Variants in LATS1 observed in about 807,000 individuals in gnomAD.
LATS1 encodes large tumor suppressor kinase 1.
LATS1 carries 25 observed loss-of-function variants against 106.6 expected under a neutral mutation model. The observed-to-expected ratio is 0.23, with a 90% CI of 0.17 to 0.33. The LOEUF (loss-of-function observed/expected upper bound fraction) is 0.33, where lower values mean the gene tolerates loss of function less well. Ranked by LOEUF, LATS1 falls within the 10% of genes least tolerant of loss-of-function variation. The pLI, the probability that LATS1 is intolerant of heterozygous loss-of-function variation, is 1.00. For synonymous variants in LATS1, 465 were observed against 455.6 expected, an observed-to-expected ratio of 1.02 and a Z score of -0.26; for missense variants, 1,040 against 1,382.6, an observed-to-expected ratio of 0.75 and a Z score of 3.93.
Position 149,659,809 on chromosome 6 carries a change from GCA to G in LATS1, c.*1918_*1919del, listed in dbSNP as rs1192831988. The G allele has an allele frequency of 4.4e-6, 1 of 225,654 alleles. No individual in the cohort carries two copies. The highest frequency in any genetic ancestry group is 8.8e-6 in the Non-Finnish European group (1 of 113,458). The allele number at this position is 225,654 out of a possible 1,614,324, so 14.0% of individuals were successfully genotyped here. A position where few individuals can be genotyped will look rare whatever the true frequency, so the allele number is the denominator to read the frequency against. ...AGGTGAAGACTGCGATTTCATGATA[GCA>G]CATTGTTTTACAATTCTGATTAGAA... is the stretch of plus-strand genomic sequence containing the variant. On this transcript the variant is annotated 3_prime_UTR_variant, in exon 8 of 8. Coordinates refer to ENST00000543571, the MANE Select transcript of LATS1 (RefSeq NM_004690.4).
Position 149,680,331 on chromosome 6 carries a change from T to C in LATS1, c.2137A>G (p.Ile713Val), listed in dbSNP as rs1781963947. 6.2e-7 allele frequency: 1 copy of C among 1,613,954 alleles called. No individual in the cohort carries two copies. Among genetic ancestry groups the C allele is most frequent in the Non-Finnish European group, 8.5e-7 (1 of 1,179,982 alleles). Residue 713 changes from isoleucine (I) to valine (V), a missense_variant, in exon 5 of 8, where the codon ATA becomes GTA. Ile to Val is a conservative substitution (Grantham distance 29). Transcript: ENST00000543571. ...AGACAGACTTCACCAAATGCTCCTA[T>C]TCCTAGTGTCTTTATCTTCACAAAC... ...SMFVKIKTLG[I>V]GAFGEVCLAR...
At position 149,683,354 on chromosome 6, in the gene LATS1, G is replaced by C. The variant is rs1203899175; in HGVS notation, c.1735C>G (p.Pro579Ala). 2 of 1,613,964 alleles carry C rather than the reference G, an allele frequency of 1.2e-6. No individual in the cohort carries two copies. Among genetic ancestry groups the C allele is most frequent in the African/African-American group, 1.3e-5 (1 of 74,880 alleles). ...SVPPYESISK[P>A]SKEDQPSLPK... ...AAGCTTGGCTGATCCTCTTTGCTAG[G>C]CTTACTGATTGACTCGTATGGAGGA... The change falls in exon 4 of 8, where the codon CCT (proline) becomes GCT (alanine). Residue 579 changes from proline to alanine, a missense_variant. By Grantham distance (27) the Pro-to-Ala change is conservative. Around this residue, in one of 7 missense-constraint regions of LATS1, gnomAD observed 624 missense variants for 714.8 expected, o/e 0.87. Transcript: ENST00000543571.
In LATS1 at chr6:149,684,039, A is replaced by G. The variant is rs747527759; in HGVS notation, c.1050T>C (p.Gly350=). 6.2e-6 allele frequency: 10 copies of G among 1,614,154 alleles called. No individual in the cohort carries two copies. The highest frequency in any genetic ancestry group is 6.8e-6 in the Non-Finnish European group (8 of 1,180,018). The change falls in exon 4 of 8, where the codon GGT becomes GGC. Residue 350 remains glycine (G), a synonymous_variant. Transcript: ENST00000543571. ...GTATCATGAAATCAGTTTGTCCAGT[A>G]CCATTCTGCATTCCAGGTCTCCCTG... ...FPSGRPGMQN[G]TGQTDFMIHQ...
At chr6:149,702,620 A>G (rs1014830887) in intron 1 of LATS1, among the ~76,000 whole-genome samples, 3 of 152,204 alleles carry the variant, frequency 2.0e-5, no homozygotes, top group South Asian at 2.1e-4. Context: ...TTTACAAATC[A>G]GACTTCAAGA....
At chr6:149,709,667 T>TG (rs1783981351) in intron 1 of LATS1, among the ~76,000 whole-genome samples, 2 of 130,318 alleles carry the variant, frequency 1.5e-5, no homozygotes, top group Admixed American at 1.7e-4. Context: ...CAACCCCTTA[T>TG]CTTTTTTTTT....
At chr6:149,714,625 CTAAG>C (rs927084113) in intron 1 of LATS1, among the ~76,000 whole-genome samples, 4 of 151,840 alleles carry the variant, frequency 2.6e-5, no homozygotes, top group African/African-American at 4.8e-5. Flanking sequence ...GAAAAAAAAA[CTAAG>C]TAAGCAAAAA....
rs1780892912 is a variant in LATS1, at chr6:149,661,727, T to G, written c.*2A>C. On this transcript the variant is annotated 3_prime_UTR_variant, in exon 8 of 8. Coordinates refer to ENST00000543571, the MANE Select transcript of LATS1 (RefSeq NM_004690.4). ...TCCTCATTACATTTATTTACTAGTG[T>G]GTTAAACATATACTAGATCGCGATT... is the stretch of plus-strand genomic sequence containing the variant. 1 of 1,537,894 alleles carries G rather than the reference T, an allele frequency of 6.5e-7. No individual in the cohort carries two copies.
Position 149,684,293 on chromosome 6 carries a change from G to C in LATS1, c.796C>G (p.Pro266Ala), listed in dbSNP as rs142352110. ...GTTTGAGAGTTTGGTTCCCATGAAGGGGGAGGTGGAGTTGTACCTCTTGGA... is the reference window on the plus strand; with the variant it reads ...GTTTGAGAGTTTGGTTCCCATGAAGCGGGAGGTGGAGTTGTACCTCTTGGA... ...PPPRGTTPPP[P>A]SWEPNSQTKR... Residue 266 changes from proline (P) to alanine (A), a missense_variant, in exon 4 of 8, where the codon CCT becomes GCT. Pro to Ala is a conservative substitution (Grantham distance 27). Coordinates refer to ENST00000543571, the MANE Select transcript of LATS1 (RefSeq NM_004690.4). 2.0e-3 allele frequency: 3,160 copies of C among 1,614,086 alleles called. 4 individuals are homozygous for C. Among genetic ancestry groups the C allele is most frequent in the Non-Finnish European group, 2.6e-3 (3,015 of 1,180,002 alleles).
At chr6:149,666,758 C>A (rs1056731374) in intron 7 of LATS1, among the ~76,000 whole-genome samples, 2 of 151,604 alleles carry the variant, frequency 1.3e-5, no homozygotes, top group African/African-American at 4.8e-5. Flanking sequence ...CTGGCTAACA[C>A]GGTGAAACCC....
intron 2 of LATS1, among the ~76,000 whole-genome samples, chr6:149,699,475 A>T (rs994617552): frequency 2.1e-5 from 3 of 145,444 alleles, no homozygotes; most frequent in South Asian, 4.3e-4. Flanking sequence ...ACTTTTTAAT[A>T]AAAAAAAAAA....
chr6:149,698,317 C>T (rs1457813807), intron 2 of LATS1, among the ~76,000 whole-genome samples: 1 of 150,732 alleles, frequency 6.6e-6, no homozygotes, highest in African/African-American at 2.4e-5. Flanking sequence ...AACCACAACT[C>T]ATTGCGACCC....
At chr6:149,706,992 T>C (rs1371682658) in intron 1 of LATS1, among the ~76,000 whole-genome samples, 1 of 149,756 alleles carries the variant, frequency 6.7e-6, no homozygotes, top group Non-Finnish European at 1.5e-5. Flanking sequence ...GGGATCATAA[T>C]ACACAAAACT....
In LATS1 at chr6:149,680,268, T is replaced by G; in HGVS notation, c.2200A>C (p.Lys734Gln). The G allele has an allele frequency of 6.2e-7, 1 of 1,613,966 alleles. No homozygotes were observed. Among genetic ancestry groups the G allele is most frequent in the Non-Finnish European group, 8.5e-7 (1 of 1,180,008 alleles). Reference sequence around the variant, plus strand: ...AGAACATCTTTCTTTCGAAGAGTTTTTGTTGCATACAAAGCCTTAGTATCT... The same window carrying G: ...AGAACATCTTTCTTTCGAAGAGTTTGTGTTGCATACAAAGCCTTAGTATCT... The part of the protein sequence containing the change: ...KVDTKALYAT[K>Q]TLRKKDVLLR... Residue 734 changes from lysine to glutamine, a missense_variant, in exon 5 of 8, where the codon AAA becomes CAA. Lys to Gln is a moderately conservative substitution (Grantham distance 53, BLOSUM62 1). This residue lies in a region of LATS1 where 167 missense variants were observed against 332.1 expected (regional missense o/e 0.50). Coordinates refer to ENST00000543571, the MANE Select transcript of LATS1 (RefSeq NM_004690.4).
chr6:149,682,411 TTTTC>T (rs1582872635), intron 4 of LATS1, among the ~76,000 whole-genome samples: 2 of 151,398 alleles, frequency 1.3e-5, no homozygotes, highest in East Asian at 3.9e-4. Flanking sequence ...CGTATTTCTT[TTTTC>T]TTTTTTTTTT....
intron 2 of LATS1, among the ~76,000 whole-genome samples, chr6:149,695,541 C>T (rs931748392): frequency 1.2e-4 from 18 of 152,184 alleles, no homozygotes; most frequent in African/African-American, 3.9e-4. Flanking sequence ...GCTGGGTGTG[C>T]TGGCGCACGC....
intron 2 of LATS1, 71 bp from the exon 3 acceptor site, chr6:149,695,292 C>T (rs1782994796): frequency 1.1e-6 from 1 of 926,878 alleles, no homozygotes; most frequent in African/African-American, 1.7e-5. Flanking sequence ...GGAAAGAACA[C>T]TATGAGTTCC....
At chr6:149,679,616 C>CA (rs1297690844) in intron 5 of LATS1, among the ~76,000 whole-genome samples, 1 of 150,928 alleles carries the variant, frequency 6.6e-6, no homozygotes, top group Non-Finnish European at 1.5e-5. Context: ...AGGTGTGACT[C>CA]AAAAATGTTA....
chr6:149,680,663 G>A (rs1781986340), intron 4 of LATS1, among the ~76,000 whole-genome samples: 1 of 148,868 alleles, frequency 6.7e-6, no homozygotes, highest in African/African-American at 2.5e-5. Context: ...TTCAAAGTGA[G>A]TACCTATGCA....
chr6:149,673,642 A>C (rs890331638), intron 7 of LATS1, among the ~76,000 whole-genome samples: 6 of 151,910 alleles, frequency 3.9e-5, no homozygotes, highest in Non-Finnish European at 5.9e-5. Context: ...AAATCCTAAA[A>C]GAAGTTTTAA....
Sources: allele counts gnomAD v4.1 joint callset (sites outside exome capture counted in the v4.1 genomes callset), GRCh38; gene constraint gnomAD v4.1.1; regional missense constraint gnomAD v4.1.1; transcripts MANE v1.5; gene names NCBI Gene and HGNC (gene_info 2026-07-23, HGNC 2026-07-21).